Variants in DPP10 observed in about 807,000 individuals in gnomAD.
The protein encoded by DPP10 is inactive dipeptidyl peptidase 10.
DPP10 carries 33 observed loss-of-function variants against 120.9 expected under a neutral mutation model. The observed-to-expected ratio is 0.27, with a 90% CI of 0.21 to 0.37. DPP10 has a LOEUF of 0.37. Among genes scored for constraint, DPP10 ranks in the 10% least tolerant of loss-of-function variants. DPP10 has a pLI of 1.00. For synonymous variants in DPP10, 337 were observed against 326.1 expected, an observed-to-expected ratio of 1.03 and a Z score of -0.36; for missense variants, 816 against 942.8, an observed-to-expected ratio of 0.87 and a Z score of 1.76.
chr2:114,748,643 A>T (rs2106025963), intron 1 of DPP10, among the ~76,000 whole-genome samples: 1 of 78,680 alleles, frequency 1.3e-5, no homozygotes, highest in South Asian at 5.5e-4. Flanking sequence ...TATGAGTGAG[A>T]ATATGCGGTG....
chr2:114,884,537 T>A (rs1221392679), intron 1 of DPP10, among the ~76,000 whole-genome samples: 3 of 152,298 alleles, frequency 2.0e-5, no homozygotes, highest in African/African-American at 7.2e-5. Flanking sequence ...CTCTTACTCC[T>A]CTGTCTCCCC....
At chr2:114,779,932 C>T (rs374852984) in intron 1 of DPP10, among the ~76,000 whole-genome samples, 12 of 152,082 alleles carry the variant, frequency 7.9e-5, no homozygotes, top group South Asian at 4.2e-4. Context: ...GTCAGGAGAT[C>T]GAGACCATCC....
chr2:115,535,074 C>G (rs1312952277), intron 5 of DPP10, among the ~76,000 whole-genome samples: 1 of 148,618 alleles, frequency 6.7e-6, no homozygotes, highest in African/African-American at 2.6e-5. Flanking sequence ...CCTGTTCACT[C>G]TGATGGTAGT....
At chr2:115,004,389 T>C (rs1701659029) in intron 1 of DPP10, among the ~76,000 whole-genome samples, 1 of 152,110 alleles carries the variant, frequency 6.6e-6, no homozygotes, top group African/African-American at 2.4e-5. Context: ...TAGGAACAGC[T>C]CCGGTCTACA....
At chr2:115,535,012 G>A (rs1011807272) in intron 5 of DPP10, among the ~76,000 whole-genome samples, 3 of 147,806 alleles carry the variant, frequency 2.0e-5, no homozygotes, top group Non-Finnish European at 3.0e-5. Context: ...CTGGATATTA[G>A]CCCTTTGTCA....
At chr2:115,238,176 C>T (rs2058092468) in intron 1 of DPP10, among the ~76,000 whole-genome samples, 1 of 152,128 alleles carries the variant, frequency 6.6e-6, no homozygotes, top group Admixed American at 6.5e-5. Context: ...TAAAATGAAG[C>T]CAGTGCTCAT....
chr2:114,494,227 C>T (rs972157659), intron 1 of DPP10, among the ~76,000 whole-genome samples: 2 of 151,740 alleles, frequency 1.3e-5, no homozygotes, highest in Admixed American at 1.3e-4. Flanking sequence ...GCAAGTTACT[C>T]AACTTCTTCT....
chr2:115,303,522 A>C (rs2061234461), intron 1 of DPP10, among the ~76,000 whole-genome samples: 1 of 151,950 alleles, frequency 6.6e-6, no homozygotes, highest in Non-Finnish European at 1.5e-5. Flanking sequence ...TAGTTACATA[A>C]TCCCAGCATA....
At chr2:114,799,560 A>G (rs1319968472) in intron 1 of DPP10, among the ~76,000 whole-genome samples, 1 of 152,206 alleles carries the variant, frequency 6.6e-6, no homozygotes, top group Non-Finnish European at 1.5e-5. Flanking sequence ...GAAAAAATAG[A>G]GAAAAGACAT....
chr2:115,399,163 A>G (rs2067889698), intron 3 of DPP10, among the ~76,000 whole-genome samples: 1 of 152,120 alleles, frequency 6.6e-6, no homozygotes, highest in South Asian at 2.1e-4. Context: ...AATTACTACA[A>G]TTTACTGAGT....
chr2:114,715,052 T>C (rs944697763), intron 1 of DPP10, among the ~76,000 whole-genome samples: 76 of 152,282 alleles, frequency 5.0e-4, no homozygotes, highest in East Asian at 1.5e-3. Context: ...TCTACCTATC[T>C]GAGCTCCTGA....
chr2:115,235,629 C>G (rs1574108264), intron 1 of DPP10, among the ~76,000 whole-genome samples: 1 of 151,950 alleles, frequency 6.6e-6, no homozygotes, highest in African/African-American at 2.4e-5. Flanking sequence ...TGGTGCAATC[C>G]CAGCTCACTG....
At chr2:114,507,238 A>G (rs1210681214) in intron 1 of DPP10, among the ~76,000 whole-genome samples, 2 of 151,906 alleles carry the variant, frequency 1.3e-5, no homozygotes, top group African/African-American at 4.8e-5. Flanking sequence ...TTGTAGAGAC[A>G]GAGTTTTACC....
At chr2:115,612,430 A>G (rs1371807380) in intron 5 of DPP10, among the ~76,000 whole-genome samples, 2 of 152,156 alleles carry the variant, frequency 1.3e-5, no homozygotes, top group African/African-American at 2.4e-5. Flanking sequence ...ATATGGTTTG[A>G]CTAACCTCAA....
chr2:115,436,165 T>C (rs936254710), intron 3 of DPP10, among the ~76,000 whole-genome samples: 1 of 151,812 alleles, frequency 6.6e-6, no homozygotes, highest in African/African-American at 2.4e-5. Flanking sequence ...AATAATGTAT[T>C]GGGTATGGAA....
chr2:115,033,586 G>A (rs72834182), intron 1 of DPP10, among the ~76,000 whole-genome samples: 1 of 151,846 alleles, frequency 6.6e-6, no homozygotes, highest in Non-Finnish European at 1.5e-5. Flanking sequence ...GAAACTGAAA[G>A]TGTACTCTTA....
intron 1 of DPP10, among the ~76,000 whole-genome samples, chr2:115,083,690 T>C (rs1708464306): frequency 6.6e-6 from 1 of 152,234 alleles, no homozygotes; most frequent in African/African-American, 2.4e-5. Context: ...TTTCAGAGCA[T>C]TTGCTACAGT....
At chr2:114,826,254 T>C (rs1347203780) in intron 1 of DPP10, among the ~76,000 whole-genome samples, 3 of 152,156 alleles carry the variant, frequency 2.0e-5, no homozygotes, top group African/African-American at 7.2e-5. Context: ...TTATATATAA[T>C]GGGAACAATT....
chr2:114,640,553 G>A (rs1473500344), intron 1 of DPP10, among the ~76,000 whole-genome samples: 1 of 151,750 alleles, frequency 6.6e-6, no homozygotes, highest in Non-Finnish European at 1.5e-5. Context: ...GGTCAAGTCA[G>A]CCTCCCCTAA....
Sources: allele counts gnomAD v4.1 joint callset (sites outside exome capture counted in the v4.1 genomes callset), GRCh38; gene constraint gnomAD v4.1.1; transcripts MANE v1.5; gene names NCBI Gene and HGNC (gene_info 2026-07-23, HGNC 2026-07-21).